The following ZZEF1 variants were observed in gnomAD, a reference collection of about 807,000 sequenced individuals.
The protein encoded by ZZEF1 is zinc finger ZZ-type and EF-hand domain-containing protein 1.
Under a neutral mutation model 342.8 loss-of-function variants are expected in ZZEF1, and 157 were observed. The observed-to-expected ratio is 0.46, with a 90% confidence interval of 0.40 to 0.52. The LOEUF is 0.52. Ranked by LOEUF, ZZEF1 falls within the 20% of genes least tolerant of loss-of-function variation. The probability of loss-of-function intolerance (pLI) is 0.00; values close to 1 mark genes in which losing one functional copy is unlikely to be tolerated. For missense variants in ZZEF1, 3,480 were observed against 3,725.6 expected (o/e 0.93, Z 1.72); for synonymous variants, 1,505 against 1,429.1 (o/e 1.05, Z -1.20).
At position 4,034,197 on chromosome 17, in the gene ZZEF1, A is replaced by G. The variant is rs2056611386; in HGVS notation, c.6402T>C (p.His2134=). The change falls in exon 40 of 55, where the codon CAT becomes CAC. Residue 2134 remains histidine (H), a synonymous_variant. Coordinates refer to ENST00000381638, the MANE Select transcript of ZZEF1 (RefSeq NM_015113.4). ...ACTGGCCGAGAAGACCCAGGGTGAG[A>G]TGGTAGGTTTCATTCAGGTGGCCTG... ...SNAGHLNETY[H]LTLGLLGQLI... The G allele has an allele frequency of 1.2e-6, 2 of 1,614,066 alleles. No individual in the cohort carries two copies. Among genetic ancestry groups the G allele is most frequent in the Middle Eastern group, 1.6e-4 (1 of 6,084 alleles).
rs190243553 is a variant in ZZEF1, at chr17:4,010,495, C to T, written c.8580-738G>A. On this transcript the variant is annotated intron_variant, in intron 52 of 54. Coordinates refer to ENST00000381638, the MANE Select transcript of ZZEF1 (RefSeq NM_015113.4). ...CAGCACCTTGGGAGGCCAAGGCAGG[C>T]GGATCACGAGGTCAGGAGTTGGCCA... 4.8e-3 allele frequency among the ~76,000 whole-genome samples: 735 copies of T among 151,692 alleles called. 5 individuals carry two copies. The highest frequency in any genetic ancestry group is 0.017 in the African/African-American group (697 of 41,382).
At chr17:4,124,423 A>T (rs2058540836) in intron 1 of ZZEF1, among the ~76,000 whole-genome samples, 1 of 152,028 alleles carries the variant, frequency 6.6e-6, no homozygotes, top group South Asian at 2.1e-4. Flanking sequence ...TTAGAATAGC[A>T]CCTCGACTTT....
At chr17:4,059,397 A>C (rs2057237587) in intron 30 of ZZEF1, 107 bp from the exon 31 acceptor site, 6 of 1,398,776 alleles carry the variant, frequency 4.3e-6, no homozygotes, top group Non-Finnish European at 5.8e-6. Context: ...TCAGCTGAGC[A>C]AAGCGGCACA....
intron 25 of ZZEF1, among the ~76,000 whole-genome samples, chr17:4,071,890 A>G (rs973150275): frequency 6.6e-6 from 1 of 152,134 alleles, no homozygotes; most frequent in Admixed American, 6.6e-5. Context: ...GAAAGTGGAG[A>G]GGATGAAGTC....
chr17:4,120,174 T>C (rs899731076), intron 2 of ZZEF1, among the ~76,000 whole-genome samples: 4 of 151,940 alleles, frequency 2.6e-5, no homozygotes, highest in African/African-American at 7.3e-5. Flanking sequence ...CTGGCCAACA[T>C]GATGAAACCC....
intron 42 of ZZEF1, among the ~76,000 whole-genome samples, chr17:4,027,520 C>T (rs1167628679): frequency 6.6e-6 from 1 of 151,260 alleles, no homozygotes; most frequent in Non-Finnish European, 1.5e-5. Flanking sequence ...GTCTCAAACT[C>T]CTGACCTCAA....
In ZZEF1 at chr17:4,021,237, C is replaced by A. The variant is rs1432133929; in HGVS notation, c.7296G>T (p.Gly2432=). The change falls in exon 45 of 55, where the codon GGG becomes GGT. Residue 2432 remains glycine, a synonymous_variant. Coordinates refer to ENST00000381638, the MANE Select transcript of ZZEF1 (RefSeq NM_015113.4). The part of the protein sequence containing the change: ...EHGDLELDER[G]DREEEVERPV... The stretch of plus-strand genomic sequence containing the variant: ...GCCGTTCCACCTCTTCCTCTCGGTC[C>A]CCTCGCTCATCCAGCTCTAGGTCTC... 6.2e-7 allele frequency: 1 copy of A among 1,614,196 alleles called. No individual in the cohort carries two copies. The highest frequency in any genetic ancestry group is 8.5e-7 in the Non-Finnish European group (1 of 1,180,034).
At chr17:4,011,154 C>A (rs2055943281) in intron 52 of ZZEF1, among the ~76,000 whole-genome samples, 1 of 151,628 alleles carries the variant, frequency 6.6e-6, no homozygotes, top group Non-Finnish European at 1.5e-5. Flanking sequence ...ACAATCTCAG[C>A]ACTTTGGGAG....
chr17:4,120,114 T>C (rs879692447), intron 2 of ZZEF1, among the ~76,000 whole-genome samples: 8 of 151,940 alleles, frequency 5.3e-5, no homozygotes, highest in Non-Finnish European at 1.0e-4. Context: ...CCCAGCACTT[T>C]TGGGAGGCCA....
In ZZEF1 at chr17:4,014,614, G is replaced by C. The variant is rs2056053121; in HGVS notation, c.8146-99C>G. On this transcript the variant is annotated intron_variant, in intron 49 of 54. Coordinates refer to ENST00000381638, the MANE Select transcript of ZZEF1 (RefSeq NM_015113.4). This position sits in a 1 kb window ranked among gnomAD's most constrained non-coding sequence, Gnocchi z 4.4. Reference sequence around the variant, plus strand: ...GTCCTGTGGCTGGACCCGGGTGTGTGAGAATGAGTGAACCACAGCCCTGGC... The same window carrying C: ...GTCCTGTGGCTGGACCCGGGTGTGTCAGAATGAGTGAACCACAGCCCTGGC... 2 of 1,273,148 alleles carry C rather than the reference G, an allele frequency of 1.6e-6. No homozygotes were observed. Among genetic ancestry groups the C allele is most frequent in the Admixed American group, 1.8e-5 (1 of 56,324 alleles). The allele number at this position is 1,273,148 out of a possible 1,614,324, so 78.9% of individuals were successfully genotyped here.
intron 49 of ZZEF1, among the ~76,000 whole-genome samples, chr17:4,015,826 T>C (rs950780753): frequency 1.5e-4 from 23 of 152,222 alleles, no homozygotes; most frequent in South Asian, 6.2e-4. Flanking sequence ...GGCTGCCCCA[T>C]TCCTGCCTCA....
intron 11 of ZZEF1, among the ~76,000 whole-genome samples, chr17:4,091,325 C>G (rs2057938749): frequency 6.6e-6 from 1 of 152,220 alleles, no homozygotes; most frequent in Non-Finnish European, 1.5e-5. Context: ...AAAACCCCAG[C>G]CTTCGTAGGC....
At chr17:4,044,176 T>G in intron 38 of ZZEF1, 48 bp downstream of exon 38, 1 of 1,601,714 alleles carries the variant, frequency 6.2e-7, no homozygotes, top group Non-Finnish European at 8.5e-7. Context: ...TGGGTATATG[T>G]GCATTTTAAG....
chr17:4,109,801 T>C lies in ZZEF1; in HGVS notation c.1129A>G (p.Arg377Gly). The change falls in exon 6 of 55, where the codon AGG becomes GGG. Residue 377 changes from arginine to glycine, a missense_variant. Physicochemically the swap from Arg to Gly is moderately radical, Grantham distance 125. Around this residue, in one of 5 missense-constraint regions of ZZEF1, gnomAD observed 92 missense variants for 130.3 expected, o/e 0.71. Transcript: ENST00000381638. ...DGCDTRIHGL[R>G]AVGFQRVKKS... ...TTAACTCTCTGAAAGCCAACAGCCCTGAGACCATGAATTCTAGTGTCGCAG... is the reference window on the plus strand; with the variant it reads ...TTAACTCTCTGAAAGCCAACAGCCCCGAGACCATGAATTCTAGTGTCGCAG... 6.2e-7 allele frequency: 1 copy of C among 1,614,208 alleles called. No individual in the cohort carries two copies. The highest frequency in any genetic ancestry group is 8.5e-7 in the Non-Finnish European group (1 of 1,180,032).
At chr17:4,131,402 TA>T (rs2058660068) in intron 1 of ZZEF1, among the ~76,000 whole-genome samples, 1 of 152,062 alleles carries the variant, frequency 6.6e-6, no homozygotes, top group Non-Finnish European at 1.5e-5. Context: ...AATCTGGGAC[TA>T]AATTAATGAT....
At chr17:4,134,892 G>A (rs866947371) in intron 1 of ZZEF1, among the ~76,000 whole-genome samples, 41 of 152,226 alleles carry the variant, frequency 2.7e-4, no homozygotes, top group Middle Eastern at 3.4e-3. Flanking sequence ...AGTATATGGC[G>A]AGGGAGAGGC....
chr17:4,088,914 T>C (rs757555465), intron 12 of ZZEF1, 21 bp from the exon 13 acceptor site: 1 of 1,610,580 alleles, frequency 6.2e-7, no homozygotes, highest in South Asian at 1.1e-5. Flanking sequence ...CAAGAGAGAT[T>C]TCAATAGAAG....
rs1056398534 is a variant in ZZEF1 at position 4,092,626 on chromosome 17, A to G, written c.1914-1796T>C. On this transcript the variant is annotated intron_variant, in intron 11 of 54. Transcript: ENST00000381638. ...GCCCGGCAAAATGTCCCTTCTTAAC[A>G]TAAGTCTTTCTTGGCATAAACCTTT... 2.1e-4 allele frequency among the ~76,000 whole-genome samples: 32 copies of G among 152,242 alleles called. 1 individual carries two copies. In the East Asian group the frequency reaches 5.4e-3, roughly 26 times the overall value.
chr17:4,058,029 T>C lies in ZZEF1; in HGVS notation c.5130A>G (p.Ser1710=), dbSNP rs2057203538. The C allele has an allele frequency of 1.2e-6, 2 of 1,614,158 alleles. No homozygotes were observed. The highest frequency in any genetic ancestry group is 1.7e-6 in the Non-Finnish European group (2 of 1,180,012). Residue 1710 remains serine (S), a synonymous_variant, in exon 32 of 55, where the codon TCA becomes TCG. Coordinates refer to ENST00000381638, the MANE Select transcript of ZZEF1 (RefSeq NM_015113.4). ...TGTCATGGACACTTATATTCTCCTG[T>C]GACATTTTCATGAGGAGATCTGGTA... is the stretch of plus-strand genomic sequence containing the variant. The part of the protein sequence containing the change: ...IQLPDLLMKM[S]QENISVHDSV...
Sources: gnomAD v4.1 joint callset for allele counts (sites outside exome capture counted in the v4.1 genomes callset) on GRCh38, gnomAD v4.1.1 for gene constraint, gnomAD v4.1.1 regional missense constraint, Gnocchi (gnomAD v3.1) non-coding constraint, MANE v1.5 for transcripts, NCBI Gene and HGNC (gene_info 2026-07-23, HGNC 2026-07-21) for gene names.